The following BCKDHB variants were observed in gnomAD, a reference collection of about 807,000 sequenced individuals.
The protein encoded by BCKDHB is branched chain keto acid dehydrogenase E1 subunit beta.
A neutral mutation model predicts 48.5 loss-of-function variants in BCKDHB; 41 were observed. The observed-to-expected ratio is 0.85, with a 90% CI of 0.66 to 1.10. The LOEUF (loss-of-function observed/expected upper bound fraction) is 1.10, where lower values mean the gene tolerates loss of function less well. BCKDHB is among the 50% of genes least tolerant of loss of function. The pLI, the probability that BCKDHB is intolerant of heterozygous loss-of-function variation, is 0.00. For synonymous variants in BCKDHB, 201 were observed against 174.8 expected, an observed-to-expected ratio of 1.15 and a Z score of -1.18; for missense variants, 496 against 494.2, an observed-to-expected ratio of 1.00 and a Z score of -0.03.
At chr6:80,273,940 G>A (rs1162231525) in intron 9 of BCKDHB, among the ~76,000 whole-genome samples, 1 of 151,896 alleles carries the variant, frequency 6.6e-6, no homozygotes, top group Non-Finnish European at 1.5e-5. Context: ...AAATTAAGTA[G>A]CCATATTTTA....
At chr6:80,252,628 G>A (rs1776880308) in intron 8 of BCKDHB, among the ~76,000 whole-genome samples, 1 of 152,014 alleles carries the variant, frequency 6.6e-6, no homozygotes. Context: ...CATACATATG[G>A]CCACCATCTA....
At chr6:80,369,831 C>A in the BCKDHB span, among the ~76,000 whole-genome samples, 1 of 152,126 alleles carries the variant, frequency 6.6e-6, no homozygotes, top group Non-Finnish European at 1.5e-5. Context: ...TTCAAACCTG[C>A]ATTCTGGTGG....
chr6:80,152,092 A>G (rs764665887), intron 3 of BCKDHB, among the ~76,000 whole-genome samples: 3 of 152,202 alleles, frequency 2.0e-5, no homozygotes, highest in Non-Finnish European at 1.5e-5. Flanking sequence ...ATTTTCTGGA[A>G]AAACAGCTTT....
At chr6:80,109,559 G>C (rs1325533979) in intron 1 of BCKDHB, among the ~76,000 whole-genome samples, 1 of 151,990 alleles carries the variant, frequency 6.6e-6, no homozygotes, top group Non-Finnish European at 1.5e-5. Flanking sequence ...GCTAAAATTA[G>C]GTGTGTTCAT....
intron 9 of BCKDHB, among the ~76,000 whole-genome samples, chr6:80,304,789 TTACATTGATTGACTAAAAAG>T (rs1767769699): frequency 6.6e-6 from 1 of 152,090 alleles, no homozygotes; most frequent in East Asian, 1.9e-4. Context: ...ATATAATTTA[TTACATTGATTGACTAAAAAG>T]AAAACTATAC....
At chr6:80,364,988 A>C in the BCKDHB span, among the ~76,000 whole-genome samples, 1 of 152,274 alleles carries the variant, frequency 6.6e-6, no homozygotes, top group Admixed American at 6.5e-5. Context: ...GAGCCTCAAA[A>C]CCAGTAAGTT....
the BCKDHB span, among the ~76,000 whole-genome samples, chr6:80,391,213 G>C: frequency 7.1e-6 from 1 of 141,050 alleles, no homozygotes; most frequent in African/African-American, 2.5e-5. Context: ...TATTAGTTCT[G>C]TTCCTCTAGA....
intron 6 of BCKDHB, among the ~76,000 whole-genome samples, chr6:80,173,568 G>A (rs1283301177): frequency 1.3e-5 from 2 of 152,090 alleles, no homozygotes; most frequent in Non-Finnish European, 2.9e-5. Flanking sequence ...GAACCTCTGG[G>A]AGCAGAGCCC....
intron 6 of BCKDHB, among the ~76,000 whole-genome samples, chr6:80,173,611 T>A (rs1158682844): frequency 6.6e-6 from 1 of 152,130 alleles, no homozygotes; most frequent in Non-Finnish European, 1.5e-5. Context: ...CTATAGATTA[T>A]TCTGATCCAT....
At chr6:80,283,372 T>C (rs963704941) in intron 9 of BCKDHB, among the ~76,000 whole-genome samples, 6 of 152,062 alleles carry the variant, frequency 3.9e-5, no homozygotes, top group Admixed American at 3.9e-4. Flanking sequence ...ATATTTCATC[T>C]CCCTGAGTAA....
intron 9 of BCKDHB, among the ~76,000 whole-genome samples, chr6:80,315,870 C>A (rs539822676): frequency 6.6e-6 from 1 of 152,262 alleles, no homozygotes; most frequent in Non-Finnish European, 1.5e-5. Context: ...AAAGCACCTA[C>A]CACAATATGT....
chr6:80,152,923 G>A (rs1319152843), intron 3 of BCKDHB, among the ~76,000 whole-genome samples: 1 of 152,146 alleles, frequency 6.6e-6, no homozygotes, highest in Non-Finnish European at 1.5e-5. Flanking sequence ...GGGCTTTTAA[G>A]TGGAGGCTTG....
At chr6:80,416,774 A>AT in the BCKDHB span, among the ~76,000 whole-genome samples, 5 of 64,772 alleles carry the variant, frequency 7.7e-5, no homozygotes, top group African/African-American at 9.2e-5. Context: ...TTTTATTTTT[A>AT]TTTTTTTTAA....
At chr6:80,111,388 C>A (rs1176987919) in intron 1 of BCKDHB, among the ~76,000 whole-genome samples, 1 of 152,168 alleles carries the variant, frequency 6.6e-6, no homozygotes, top group Non-Finnish European at 1.5e-5. Flanking sequence ...CTTATTGAAC[C>A]CCTTGGTGGG....
chr6:80,431,734 C>G, the BCKDHB span, among the ~76,000 whole-genome samples: 5 of 152,238 alleles, frequency 3.3e-5, no homozygotes, highest in East Asian at 9.7e-4. Flanking sequence ...TGAGATGTGT[C>G]TCTTGAATAC....
chr6:80,298,896 A>C (rs192285864), intron 9 of BCKDHB, among the ~76,000 whole-genome samples: 1 of 152,272 alleles, frequency 6.6e-6, no homozygotes, highest in African/African-American at 2.4e-5. Context: ...ATCAGCTCTT[A>C]AGTTTCCCCC....
intron 6 of BCKDHB, among the ~76,000 whole-genome samples, chr6:80,197,798 T>C (rs1774197718): frequency 6.6e-6 from 1 of 152,212 alleles, no homozygotes; most frequent in South Asian, 2.1e-4. Flanking sequence ...ATTTTTCCGA[T>C]GTCATCAGCA....
At chr6:80,357,977 C>A in the BCKDHB span, among the ~76,000 whole-genome samples, 3 of 152,332 alleles carry the variant, frequency 2.0e-5, no homozygotes, top group Admixed American at 6.5e-5. Context: ...TGAGACCATT[C>A]ATGTCAGAAA....
chr6:80,220,734 CTTTTTTT>C (rs67235328), intron 8 of BCKDHB, among the ~76,000 whole-genome samples: 1 of 121,954 alleles, frequency 8.2e-6, no homozygotes, highest in Non-Finnish European at 1.7e-5. Flanking sequence ...TTTTCTTTTT[CTTTTTTT>C]TTTTTTTTTT....
Sources: allele counts gnomAD v4.1 joint callset (sites outside exome capture counted in the v4.1 genomes callset), GRCh38; gene constraint gnomAD v4.1.1; transcripts MANE v1.5; gene names NCBI Gene and HGNC (gene_info 2026-07-23, HGNC 2026-07-21).